The following KCNK2 variants were observed in gnomAD, a reference collection of about 807,000 sequenced individuals.
KCNK2 encodes the protein potassium two pore domain channel subfamily K member 2.
A neutral mutation model predicts 40.5 loss-of-function variants in KCNK2; 21 were observed. That is an observed-to-expected ratio of 0.52 (90% CI 0.37 to 0.75). The LOEUF (loss-of-function observed/expected upper bound fraction) is 0.75, where lower values mean the gene tolerates loss of function less well. Among genes scored for constraint, KCNK2 ranks in the 30% least tolerant of loss-of-function variants. The pLI is 0.00. For synonymous variants in KCNK2, 191 were observed against 202.2 expected (o/e 0.94, Z 0.47); for missense variants, 399 against 531.6 (o/e 0.75, Z 2.45).
chr1:215,198,140 T>C (rs1280616813), intron 6 of KCNK2, among the ~76,000 whole-genome samples: 1 of 152,196 alleles, frequency 6.6e-6, no homozygotes, highest in Non-Finnish European at 1.5e-5. Flanking sequence ...CAGGGTTTTT[T>C]GGTTTTGTTT....
At chr1:215,109,422 T>C (rs2102560871) in intron 2 of KCNK2, among the ~76,000 whole-genome samples, 1 of 152,200 alleles carries the variant, frequency 6.6e-6, no homozygotes, top group Admixed American at 6.5e-5. Flanking sequence ...TGGGATTTAC[T>C]TCTTTTAGCG....
rs28428849 is a variant in KCNK2, at chr1:215,230,542, T to C, written c.964-4286T>C. On this transcript the variant is annotated intron_variant, in intron 6 of 6. Coordinates refer to ENST00000444842, the MANE Select transcript of KCNK2 (RefSeq NM_001017425.3). ...ATATATATATATATATGTATATATATACACACACATAACAGCCATATATAT... is the reference window on the plus strand; with the variant it reads ...ATATATATATATATATGTATATATACACACACACATAACAGCCATATATAT... Among the ~76,000 whole-genome samples the C allele has an allele frequency of 6.1e-3, 536 of 87,426 alleles. 16 individuals are homozygous for C. The highest frequency in any genetic ancestry group is 0.017 in the African/African-American group (354 of 20,354). The allele number at this position is 87,426 out of a possible 152,430, so 57.4% of individuals were successfully genotyped here.
intron 6 of KCNK2, among the ~76,000 whole-genome samples, chr1:215,233,586 T>G (rs1666761623): frequency 6.6e-6 from 1 of 152,150 alleles, no homozygotes; most frequent in Admixed American, 6.6e-5. Flanking sequence ...ATTTAGAAAC[T>G]ATCAGTTATA....
rs1659451658 is a variant in KCNK2, at chr1:215,086,556, G to A, written c.235G>A (p.Val79Met). 10 of 1,614,164 alleles carry A rather than the reference G, an allele frequency of 6.2e-6. No homozygotes were observed. Among genetic ancestry groups the A allele is most frequent in the Non-Finnish European group, 8.5e-6 (10 of 1,180,008 alleles). ...CCTCTATCTGATCATCGGAGCCACCGTGTTCAAAGCATTGGAGCAGCCTCA... is the reference window on the plus strand; with the variant it reads ...CCTCTATCTGATCATCGGAGCCACCATGTTCAAAGCATTGGAGCAGCCTCA... ...VVLYLIIGAT[V>M]FKALEQPHEI... The change falls in exon 2 of 7, where the codon GTG (valine) becomes ATG (methionine). Residue 79 changes from valine (V) to methionine (M), a missense_variant. Around this residue, in one of 3 missense-constraint regions of KCNK2, gnomAD observed 279 missense variants for 353.8 expected, o/e 0.79. Transcript: ENST00000444842.
intron 1 of KCNK2, among the ~76,000 whole-genome samples, chr1:215,025,959 T>A (rs1656986029): frequency 6.6e-6 from 1 of 152,098 alleles, no homozygotes; most frequent in Non-Finnish European, 1.5e-5. Context: ...TGTACCAATT[T>A]ACATTTTTAG....
chr1:215,087,217 T>C (rs1350389328), intron 2 of KCNK2, among the ~76,000 whole-genome samples: 4 of 152,234 alleles, frequency 2.6e-5, no homozygotes, highest in Non-Finnish European at 5.9e-5. Context: ...CAATAAGTTG[T>C]AGCTTACCTC....
At chr1:215,047,532 A>T (rs1657818736) in intron 1 of KCNK2, among the ~76,000 whole-genome samples, 1 of 152,080 alleles carries the variant, frequency 6.6e-6, no homozygotes, top group African/African-American at 2.4e-5. Flanking sequence ...TCTTAATCAT[A>T]ACTTCATGAT....
chr1:215,215,426 A>T lies in KCNK2; in HGVS notation c.964-19402A>T, dbSNP rs533284531. Among the ~76,000 whole-genome samples, 31 of 152,332 alleles carry T rather than the reference A, an allele frequency of 2.0e-4. No individual in the cohort carries two copies. In the South Asian group the frequency reaches 6.2e-3, roughly 31 times the overall value. ...CTCCCTGTTAAATGGATACAAAAAA[A>T]TAGGTCAAATCATGTTCTCTAAAGC... On this transcript the variant is annotated intron_variant, in intron 6 of 6. Transcript: ENST00000444842.
chr1:215,157,530 C>A (rs2102619987), intron 3 of KCNK2, among the ~76,000 whole-genome samples: 1 of 152,294 alleles, frequency 6.6e-6, no homozygotes, highest in Admixed American at 6.5e-5. Context: ...TCTTGTTATG[C>A]ATATATTATG....
At chr1:215,138,440 T>G (rs188082130) in intron 3 of KCNK2, among the ~76,000 whole-genome samples, 2 of 152,186 alleles carry the variant, frequency 1.3e-5, no homozygotes, top group East Asian at 3.9e-4. Context: ...ACTATATTTT[T>G]AGAGGAAAAA....
At chr1:215,177,789 G>A (rs1481214352) in intron 5 of KCNK2, among the ~76,000 whole-genome samples, 1 of 126,792 alleles carries the variant, frequency 7.9e-6, no homozygotes. Flanking sequence ...CTCTACCCTT[G>A]TAGTGTTGTT....
At chr1:215,028,218 C>A (rs1370929695) in intron 1 of KCNK2, among the ~76,000 whole-genome samples, 2 of 152,038 alleles carry the variant, frequency 1.3e-5, no homozygotes, top group Non-Finnish European at 2.9e-5. Flanking sequence ...GAAACCCCGT[C>A]TCTACTAAAA....
At chr1:215,162,305 A>G (rs1663236539) in intron 3 of KCNK2, among the ~76,000 whole-genome samples, 1 of 152,142 alleles carries the variant, frequency 6.6e-6, no homozygotes, top group South Asian at 2.1e-4. Flanking sequence ...AGTTCCCTGT[A>G]GATTCTGGAT....
chr1:215,069,518 C>T (rs1368073642), intron 1 of KCNK2, among the ~76,000 whole-genome samples: 2 of 152,214 alleles, frequency 1.3e-5, no homozygotes, highest in Non-Finnish European at 2.9e-5. Flanking sequence ...GACCCATCTT[C>T]CTTCCCTCTT....
chr1:215,010,260 A>AT (rs1656329939), intron 1 of KCNK2, among the ~76,000 whole-genome samples: 2 of 152,154 alleles, frequency 1.3e-5, no homozygotes, highest in South Asian at 4.1e-4. Context: ...GAAGTGCTGA[A>AT]TTTTTTATAT....
chr1:215,095,199 A>T (rs2102543610), intron 2 of KCNK2, among the ~76,000 whole-genome samples: 1 of 152,250 alleles, frequency 6.6e-6, no homozygotes, highest in African/African-American at 2.4e-5. Flanking sequence ...AGTAATTCGT[A>T]TTTGTAAAAT....
At chr1:215,181,624 C>T (rs1664219005) in intron 5 of KCNK2, among the ~76,000 whole-genome samples, 1 of 152,244 alleles carries the variant, frequency 6.6e-6, no homozygotes, top group African/African-American at 2.4e-5. Flanking sequence ...GAATACTGGG[C>T]AGGGTATTTT....
intron 6 of KCNK2, among the ~76,000 whole-genome samples, chr1:215,226,627 C>T (rs1166591686): frequency 1.3e-5 from 2 of 152,096 alleles, no homozygotes; most frequent in African/African-American, 4.8e-5. Context: ...GCCCGGCCAA[C>T]CTTTCTTTAA....
At chr1:215,143,499 T>C (rs1412124142) in intron 3 of KCNK2, among the ~76,000 whole-genome samples, 1 of 152,208 alleles carries the variant, frequency 6.6e-6, no homozygotes, top group Non-Finnish European at 1.5e-5. Context: ...AGGTTTTAAG[T>C]GTTTTACATA....
Sources: allele counts gnomAD v4.1 joint callset (sites outside exome capture counted in the v4.1 genomes callset), GRCh38; gene constraint gnomAD v4.1.1; regional missense constraint gnomAD v4.1.1; transcripts MANE v1.5; gene names NCBI Gene and HGNC (gene_info 2026-07-23, HGNC 2026-07-21).